LTBP1: variants seen among roughly 807,000 people sequenced by gnomAD.
The protein encoded by LTBP1 is latent transforming growth factor beta binding protein 1, also known as latent-transforming growth factor beta-binding protein 1.
In LTBP1, 129 loss-of-function variants were observed where a neutral mutation model predicts 207.6. The observed-to-expected ratio is 0.62, with a 90% CI of 0.54 to 0.72. The LOEUF (loss-of-function observed/expected upper bound fraction) is 0.72. LTBP1 is among the 30% of genes least tolerant of loss of function. The pLI, the probability that LTBP1 is intolerant of heterozygous loss-of-function variation, is 0.00. For missense variants in LTBP1, 2,281 were observed against 2,217.2 expected (o/e 1.03, Z -0.58); for synonymous variants, 963 against 833.7 (o/e 1.16, Z -2.67).
intron 2 of LTBP1, among the ~76,000 whole-genome samples, chr2:32,984,964 C>CAAAACAAAA (rs397744979): frequency 1.3e-5 from 2 of 151,616 alleles, no homozygotes; most frequent in South Asian, 2.1e-4. Flanking sequence ...CAAAACAAAA[C>CAAAACAAAA]CAGTTATGGT....
intron 9 of LTBP1, among the ~76,000 whole-genome samples, chr2:33,241,123 A>G (rs981355528): frequency 6.6e-6 from 1 of 152,164 alleles, no homozygotes; most frequent in African/African-American, 2.4e-5. Flanking sequence ...AAATAGATGA[A>G]CCAAGGCAGT....
chr2:32,992,062 T>C (rs1425099431), intron 2 of LTBP1, among the ~76,000 whole-genome samples: 2 of 152,218 alleles, frequency 1.3e-5, no homozygotes. Context: ...TTTCTCAGTG[T>C]GCTTCTCTCC....
chr2:32,952,219 G>C (rs1209329390), intron 2 of LTBP1, among the ~76,000 whole-genome samples: 1 of 152,194 alleles, frequency 6.6e-6, no homozygotes, highest in African/African-American at 2.4e-5. Flanking sequence ...AAATGCTTCT[G>C]AAGACTAAAG....
chr2:33,277,043 T>A (rs1003741318), intron 18 of LTBP1, among the ~76,000 whole-genome samples: 1 of 152,196 alleles, frequency 6.6e-6, no homozygotes, highest in Non-Finnish European at 1.5e-5. Flanking sequence ...CAGAGCCTAA[T>A]AGATCTGGGC....
chr2:33,010,250 C>T (rs1687487116), intron 2 of LTBP1, among the ~76,000 whole-genome samples: 4 of 152,102 alleles, frequency 2.6e-5, no homozygotes, highest in Admixed American at 1.3e-4. Context: ...CGTGGAAAAG[C>T]GGAAAAGTGG....
At chr2:33,223,755 G>A (rs1397811313) in intron 9 of LTBP1, among the ~76,000 whole-genome samples, 3 of 152,244 alleles carry the variant, frequency 2.0e-5, no homozygotes, top group African/African-American at 7.2e-5. Flanking sequence ...GGGTTTGGGT[G>A]TTCAGTGTTC....
chr2:33,370,246 A>G (rs1240386205), intron 31 of LTBP1, among the ~76,000 whole-genome samples: 2 of 152,244 alleles, frequency 1.3e-5, no homozygotes, highest in Non-Finnish European at 2.9e-5. Context: ...TTAAAATCCA[A>G]AGGATCTTAT....
At chr2:33,264,014 A>G (rs2093099771) in intron 15 of LTBP1, among the ~76,000 whole-genome samples, 1 of 151,188 alleles carries the variant, frequency 6.6e-6, no homozygotes, top group Non-Finnish European at 1.5e-5. Flanking sequence ...CCAGCACTTC[A>G]GGAGGTCGAG....
At chr2:33,172,538 C>A (rs1433940108) in intron 5 of LTBP1, among the ~76,000 whole-genome samples, 1 of 152,166 alleles carries the variant, frequency 6.6e-6, no homozygotes, top group Non-Finnish European at 1.5e-5. Context: ...GACTTAGACT[C>A]CCACACAATA....
At position 33,120,097 on chromosome 2, in the gene LTBP1, C is replaced by G. The variant is rs947469846; in HGVS notation, c.1033+9346C>G. 4.2e-4 allele frequency among the ~76,000 whole-genome samples: 63 copies of G among 149,414 alleles called. 1 individual carries two copies. The highest frequency in any genetic ancestry group is 4.2e-3 in the Admixed American group (63 of 15,072). On this transcript the variant is annotated intron_variant, in intron 4 of 33. Coordinates refer to ENST00000404816, the MANE Select transcript of LTBP1 (RefSeq NM_206943.4). ...TGGTTATATTAATTCTTCTGACAAG[C>G]AAACTTTAAATCAAGAAATACGTAC...
intron 3 of LTBP1, among the ~76,000 whole-genome samples, chr2:33,090,744 CA>C (rs2079036855): frequency 6.6e-6 from 1 of 152,096 alleles, no homozygotes; most frequent in African/African-American, 2.4e-5. Context: ...AGATAGCATA[CA>C]GAGAGAATTC....
intron 9 of LTBP1, among the ~76,000 whole-genome samples, chr2:33,235,905 A>G (rs2092023843): frequency 6.6e-6 from 1 of 152,050 alleles, no homozygotes; most frequent in African/African-American, 2.4e-5. Context: ...GCCTGTTGGG[A>G]GGTGGTGGGC....
At chr2:33,046,438 C>T (rs1447165542) in intron 3 of LTBP1, among the ~76,000 whole-genome samples, 1 of 152,154 alleles carries the variant, frequency 6.6e-6, no homozygotes, top group African/African-American at 2.4e-5. Flanking sequence ...ATATGTTGAA[C>T]CAGCCTTGCC....
At chr2:32,973,027 T>C (rs923266695) in intron 2 of LTBP1, among the ~76,000 whole-genome samples, 1 of 152,214 alleles carries the variant, frequency 6.6e-6, no homozygotes, top group African/African-American at 2.4e-5. Context: ...TTTGGTTTTT[T>C]TGAATTTGTT....
chr2:33,119,223 A>T (rs1159913619), intron 4 of LTBP1, among the ~76,000 whole-genome samples: 5 of 151,520 alleles, frequency 3.3e-5, no homozygotes, highest in Non-Finnish European at 7.4e-5. Context: ...GCATGTGGGG[A>T]AACTGTAAAG....
chr2:33,165,315 GAA>G (rs1421474828), intron 5 of LTBP1, among the ~76,000 whole-genome samples: 1 of 152,150 alleles, frequency 6.6e-6, no homozygotes, highest in Admixed American at 6.6e-5. Flanking sequence ...AGAATGGAGA[GAA>G]AGAAATAGGC....
intron 3 of LTBP1, among the ~76,000 whole-genome samples, chr2:33,109,974 A>G (rs2080296582): frequency 6.6e-6 from 1 of 152,234 alleles, no homozygotes; most frequent in African/African-American, 2.4e-5. Context: ...CTTAACTAAT[A>G]CAACATGGGG....
chr2:33,024,967 G>A (rs2075346365), intron 3 of LTBP1, among the ~76,000 whole-genome samples: 1 of 152,202 alleles, frequency 6.6e-6, no homozygotes, highest in African/African-American at 2.4e-5. Flanking sequence ...CACTTTCATG[G>A]CTGTTGGCAG....
chr2:32,966,158 T>C (rs1008201295), intron 2 of LTBP1, among the ~76,000 whole-genome samples: 3 of 152,326 alleles, frequency 2.0e-5, no homozygotes, highest in African/African-American at 7.2e-5. Context: ...TTCAGGTCTT[T>C]TGCCCATTTT....
Sources: gnomAD v4.1 joint callset for allele counts (sites outside exome capture counted in the v4.1 genomes callset) on GRCh38, gnomAD v4.1.1 for gene constraint, MANE v1.5 for transcripts, NCBI Gene and HGNC (gene_info 2026-07-23, HGNC 2026-07-21) for gene names.